RBFOX1: variants seen among roughly 807,000 people sequenced by gnomAD.
RBFOX1 encodes RNA binding fox-1 homolog 1.
In RBFOX1, 8 loss-of-function variants were observed where a neutral mutation model predicts 57.7. That is an observed-to-expected ratio of 0.14 (90% CI 0.08 to 0.25). RBFOX1 has a LOEUF of 0.25. Among genes scored for constraint, RBFOX1 ranks in the 10% least tolerant of loss-of-function variants. RBFOX1 has a pLI of 1.00. For synonymous variants in RBFOX1, 326 were observed against 222.4 expected (o/e 1.47, Z -4.15); for missense variants, 611 against 548.5 (o/e 1.11, Z -1.14).
chr16:6,070,511 G>T (rs1481978031), intron 1 of RBFOX1, among the ~76,000 whole-genome samples: 2 of 152,180 alleles, frequency 1.3e-5, no homozygotes, highest in Non-Finnish European at 2.9e-5. Flanking sequence ...AATGAAGTCT[G>T]ACAAGAAGTC....
chr16:7,565,195 G>C (rs888961381), intron 5 of RBFOX1, among the ~76,000 whole-genome samples: 2 of 152,026 alleles, frequency 1.3e-5, no homozygotes, highest in African/African-American at 2.4e-5. Context: ...TCACAATCTT[G>C]CTTCGTTTTA....
rs1298655898 is a variant in RBFOX1, at chr16:6,825,523, G to C, written c.-16+170873G>C. Among the ~76,000 whole-genome samples the C allele has an allele frequency of 2.0e-5, 3 of 152,088 alleles. No homozygotes were observed. The East Asian group carries it at 5.8e-4, about 29-fold the overall frequency. ...GAACACAAAATGAATCTCACTTTTT[G>C]AACAGTCTTTTGATATTGAAGGTCC... On this transcript the variant is annotated intron_variant, in intron 3 of 15. Transcript: ENST00000550418.
chr16:6,295,169 G>A (rs1444917241), intron 1 of RBFOX1, among the ~76,000 whole-genome samples: 1 of 146,834 alleles, frequency 6.8e-6, no homozygotes, highest in Admixed American at 7.0e-5. Flanking sequence ...CCATCGCCAG[G>A]CTGGAGTGCA....
chr16:6,333,233 C>T (rs1043968951), intron 2 of RBFOX1, among the ~76,000 whole-genome samples: 5 of 152,050 alleles, frequency 3.3e-5, no homozygotes, highest in African/African-American at 9.7e-5. Flanking sequence ...TTCATAGTGA[C>T]AGGGTTTTGC....
chr16:6,824,992 T>TTTG (rs2091930062), intron 3 of RBFOX1, among the ~76,000 whole-genome samples: 1 of 103,102 alleles, frequency 9.7e-6, no homozygotes, highest in Non-Finnish European at 2.0e-5. Flanking sequence ...GGTTTTTTTT[T>TTTG]TTTTTTTTTT....
At chr16:6,876,109 G>A (rs78874294) in intron 3 of RBFOX1, among the ~76,000 whole-genome samples, 4,397 of 152,060 alleles carry the variant, frequency 0.029, 211 homozygotes, top group East Asian at 0.18. Context: ...AAGGAACCCC[G>A]GAGATTGAGG....
chr16:6,752,410 C>T (rs376184858), intron 3 of RBFOX1, among the ~76,000 whole-genome samples: 32 of 152,222 alleles, frequency 2.1e-4, no homozygotes, highest in African/African-American at 7.5e-4. Context: ...AAATTGGCCA[C>T]AAGGAAGTGA....
At chr16:7,452,129 G>C (rs553444534) in intron 4 of RBFOX1, among the ~76,000 whole-genome samples, 1 of 152,282 alleles carries the variant, frequency 6.6e-6, no homozygotes, top group South Asian at 2.1e-4. Flanking sequence ...ATGAAACAGA[G>C]GAACATCACT....
At chr16:7,350,817 A>G (rs1379995709) in intron 4 of RBFOX1, among the ~76,000 whole-genome samples, 1 of 152,190 alleles carries the variant, frequency 6.6e-6, no homozygotes, top group Non-Finnish European at 1.5e-5. Context: ...ACCAGGGAGT[A>G]TAGAAATGTA....
intron 2 of RBFOX1, among the ~76,000 whole-genome samples, chr16:6,604,350 A>AT (rs1042202596): frequency 7.9e-5 from 12 of 151,794 alleles, no homozygotes; most frequent in South Asian, 2.1e-4. Context: ...TTTTTAATTT[A>AT]TTTTTTTTAA....
intron 3 of RBFOX1, among the ~76,000 whole-genome samples, chr16:6,765,359 G>C (rs961265534): frequency 6.6e-6 from 1 of 152,258 alleles, no homozygotes; most frequent in Non-Finnish European, 1.5e-5. Flanking sequence ...AATACGGCTT[G>C]TTGGAAAGTC....
At chr16:6,875,523 A>G (rs187575097) in intron 3 of RBFOX1, among the ~76,000 whole-genome samples, 1 of 152,320 alleles carries the variant, frequency 6.6e-6, no homozygotes, top group Admixed American at 6.5e-5. Flanking sequence ...GTGCTCTGGC[A>G]AAGACTATGA....
intron 3 of RBFOX1, among the ~76,000 whole-genome samples, chr16:5,804,511 T>C (rs1182788306): frequency 6.6e-6 from 1 of 152,174 alleles, no homozygotes; most frequent in Non-Finnish European, 1.5e-5. Context: ...CCTAAACTGA[T>C]AAATCTGAGG....
At chr16:5,992,049 G>T (rs1223029324) in intron 4 of RBFOX1, among the ~76,000 whole-genome samples, 2 of 152,102 alleles carry the variant, frequency 1.3e-5, no homozygotes, top group African/African-American at 4.8e-5. Context: ...CAAAGTTATG[G>T]GCTGAGCTTT....
At chr16:6,644,134 T>C (rs74005610) in intron 2 of RBFOX1, among the ~76,000 whole-genome samples, 3,943 of 152,154 alleles carry the variant, frequency 0.026, 181 homozygotes, top group African/African-American at 0.09. Context: ...TCAATAATAA[T>C]AGTGTAGGTT....
intron 3 of RBFOX1, among the ~76,000 whole-genome samples, chr16:6,875,652 C>T (rs1305339318): frequency 6.6e-6 from 1 of 152,186 alleles, no homozygotes; most frequent in African/African-American, 2.4e-5. Context: ...ATAATTTTAA[C>T]CTAGGAGAAG....
intron 4 of RBFOX1, among the ~76,000 whole-genome samples, chr16:7,056,942 C>T (rs141076716): frequency 1.1e-4 from 17 of 151,692 alleles, no homozygotes; most frequent in South Asian, 4.2e-4. Context: ...TCCTTAGTGT[C>T]TCAAAGCTTT....
intron 5 of RBFOX1, among the ~76,000 whole-genome samples, chr16:7,555,203 C>G (rs891913268): frequency 6.6e-6 from 1 of 152,144 alleles, no homozygotes; most frequent in African/African-American, 2.4e-5. Context: ...CTTGCTGAAA[C>G]AGAAATCATT....
At chr16:6,958,228 G>C (rs1467033352) in intron 3 of RBFOX1, among the ~76,000 whole-genome samples, 4 of 152,194 alleles carry the variant, frequency 2.6e-5, no homozygotes, top group Non-Finnish European at 4.4e-5. Flanking sequence ...GGCCGTCTTT[G>C]CTGAGCCCTG....
Sources: allele counts gnomAD v4.1 joint callset (sites outside exome capture counted in the v4.1 genomes callset), GRCh38; gene constraint gnomAD v4.1.1; transcripts MANE v1.5; gene names NCBI Gene and HGNC (gene_info 2026-07-23, HGNC 2026-07-21).